MECOM: variants seen among roughly 807,000 people sequenced by gnomAD.
MECOM encodes the protein MDS1 and EVI1 complex locus, also known as histone-lysine N-methyltransferase MECOM.
MECOM carries 13 observed loss-of-function variants against 116.3 expected under a neutral mutation model. The ratio of observed to expected loss-of-function variants is 0.11; its 90% CI spans 0.07 to 0.18. MECOM has a LOEUF of 0.18. Ranked by LOEUF, MECOM falls within the 10% of genes least tolerant of loss-of-function variation. The pLI is 1.00. For synonymous variants in MECOM, 528 were observed against 535.2 expected, an observed-to-expected ratio of 0.99 and a Z score of 0.19; for missense variants, 1,299 against 1,509.0, an observed-to-expected ratio of 0.86 and a Z score of 2.31.
chr3:169,350,931 A>G (rs1726218514), intron 2 of MECOM, among the ~76,000 whole-genome samples: 1 of 151,872 alleles, frequency 6.6e-6, no homozygotes, highest in Middle Eastern at 3.2e-3. Flanking sequence ...CACCCATGCT[A>G]CTCAATAAAG....
chr3:169,264,805 A>G (rs1758056687), intron 2 of MECOM, among the ~76,000 whole-genome samples: 1 of 152,202 alleles, frequency 6.6e-6, no homozygotes, highest in African/African-American at 2.4e-5. Flanking sequence ...GCATTAATTA[A>G]TGTGCTGTAG....
intron 2 of MECOM, chr3:169,146,305 G>C (rs1013300927): frequency 1.6e-6 from 2 of 1,269,016 alleles, no homozygotes; most frequent in East Asian, 7.4e-5. Flanking sequence ...ACTTGGCAAG[G>C]TGGAACTCGG....
intron 10 of MECOM, among the ~76,000 whole-genome samples, chr3:169,106,792 G>T (rs1725583036): frequency 6.6e-6 from 1 of 152,110 alleles, no homozygotes; most frequent in Non-Finnish European, 1.5e-5. Context: ...ACTCAAGACA[G>T]ATCTCTACCA....
chr3:169,597,197 A>G (rs1483218727), intron 1 of MECOM, among the ~76,000 whole-genome samples: 1 of 152,220 alleles, frequency 6.6e-6, no homozygotes, highest in East Asian at 1.9e-4. Context: ...AGGTACAGTA[A>G]TAATGCAATC....
At chr3:169,485,974 A>ATATACTATATATG (rs1752241751) in intron 1 of MECOM, among the ~76,000 whole-genome samples, 1 of 45,826 alleles carries the variant, frequency 2.2e-5, no homozygotes, top group African/African-American at 1.1e-4. Flanking sequence ...CTATATATAC[A>ATATACTATATATG]TATATATATA....
intron 1 of MECOM, among the ~76,000 whole-genome samples, chr3:169,486,029 A>C (rs1164733119): frequency 1.7e-5 from 2 of 115,778 alleles, no homozygotes; most frequent in Non-Finnish European, 3.4e-5. Flanking sequence ...TATATATAGT[A>C]TATATATATA....
At chr3:169,571,266 T>C (rs1763869286) in intron 1 of MECOM, among the ~76,000 whole-genome samples, 1 of 152,058 alleles carries the variant, frequency 6.6e-6, no homozygotes, top group African/African-American at 2.4e-5. Flanking sequence ...ATAAAATACC[T>C]AGGAATACAA....
At chr3:169,294,299 G>A (rs1262272437) in intron 2 of MECOM, among the ~76,000 whole-genome samples, 1 of 152,064 alleles carries the variant, frequency 6.6e-6, no homozygotes, top group Non-Finnish European at 1.5e-5. Context: ...TATTTTGAGA[G>A]AAAATAATCA....
intron 2 of MECOM, among the ~76,000 whole-genome samples, chr3:169,201,641 A>C (rs1384687608): frequency 6.6e-6 from 1 of 152,132 alleles, no homozygotes; most frequent in Non-Finnish European, 1.5e-5. Context: ...ATTTTTCACC[A>C]ATCATTCAAT....
chr3:169,387,907 TC>T (rs1484661449), intron 1 of MECOM, among the ~76,000 whole-genome samples: 1 of 151,968 alleles, frequency 6.6e-6, no homozygotes, highest in African/African-American at 2.4e-5. Flanking sequence ...TTTAGACATT[TC>T]CCCCCATTAT....
At chr3:169,251,835 G>A (rs772436291) in intron 2 of MECOM, among the ~76,000 whole-genome samples, 13 of 152,252 alleles carry the variant, frequency 8.5e-5, no homozygotes, top group Non-Finnish European at 1.5e-4. Context: ...GTGTTTCAGG[G>A]CAGTTCTGAC....
chr3:169,421,750 T>C (rs1043091981), intron 1 of MECOM, among the ~76,000 whole-genome samples: 1 of 152,016 alleles, frequency 6.6e-6, no homozygotes, highest in African/African-American at 2.4e-5. Flanking sequence ...TGCATTACGA[T>C]TGGAAGATAT....
rs1560554110 is a variant in MECOM at position 169,663,513 on chromosome 3, TCTCTCTCTC to T, written c.-150_-142del. The stretch of plus-strand genomic sequence containing the variant: ...CTCTCTCTCTCTCTCTCTCTCTCTC[TCTCTCTCTC>T]TCTCTCTCCCTCCCTCCTGTTTCTC... On this transcript the variant is annotated 5_prime_UTR_variant, in exon 1 of 17. Transcript: ENST00000651503. The T allele has an allele frequency of 2.0e-4, 136 of 670,644 alleles. No homozygotes were observed. The highest frequency in any genetic ancestry group is 3.3e-4 in the Non-Finnish European group (124 of 380,770). The allele number at this position is 670,644 out of a possible 1,614,324, so 41.5% of individuals were successfully genotyped here.
At chr3:169,433,434 C>G (rs757311031) in intron 1 of MECOM, among the ~76,000 whole-genome samples, 3 of 151,606 alleles carry the variant, frequency 2.0e-5, no homozygotes, top group Admixed American at 6.6e-5. Flanking sequence ...CGCCATTGCA[C>G]TCCAGCCTGG....
chr3:169,311,578 T>C (rs1212810102), intron 2 of MECOM, among the ~76,000 whole-genome samples: 1 of 152,218 alleles, frequency 6.6e-6, no homozygotes, highest in Non-Finnish European at 1.5e-5. Flanking sequence ...TATTTCTTCT[T>C]TAGACACAGT....
Position 169,099,113 on chromosome 3 carries a change from G to GAA in MECOM, c.2849+1770_2849+1771dup, listed in dbSNP as rs534383915. ...CTGTTCATTGGAATTCTTCTGCAAG[G>GAA]AAAAAAAAAAAAAAAAACCCAGAGG... On this transcript the variant is annotated intron_variant, in intron 12 of 16. Transcript: ENST00000651503. Among the ~76,000 whole-genome samples the GAA allele has an allele frequency of 2.3e-3, 228 of 100,090 alleles. 3 individuals carry two copies. The highest frequency in any genetic ancestry group is 7.3e-3 in the African/African-American group (208 of 28,570). The allele number at this position is 100,090 out of a possible 152,430, so 65.7% of individuals were successfully genotyped here.
intron 1 of MECOM, among the ~76,000 whole-genome samples, chr3:169,450,407 G>A (rs1233243361): frequency 1.3e-5 from 2 of 151,902 alleles, no homozygotes; most frequent in African/African-American, 4.8e-5. Context: ...TTTTTTTAAG[G>A]CCATGTTCCT....
intron 2 of MECOM, among the ~76,000 whole-genome samples, chr3:169,266,750 A>G (rs768122453): frequency 2.6e-5 from 4 of 152,178 alleles, no homozygotes; most frequent in Non-Finnish European, 4.4e-5. Context: ...CAAATCCTAA[A>G]GTAATTACTT....
chr3:169,518,481 C>G (rs765345422), intron 1 of MECOM, among the ~76,000 whole-genome samples: 20 of 152,126 alleles, frequency 1.3e-4, no homozygotes, highest in Non-Finnish European at 2.5e-4. Context: ...ATTGTTGAGT[C>G]TGGGCACCAT....
Sources: allele counts gnomAD v4.1 joint callset (sites outside exome capture counted in the v4.1 genomes callset), GRCh38; gene constraint gnomAD v4.1.1; transcripts MANE v1.5; gene names NCBI Gene and HGNC (gene_info 2026-07-23, HGNC 2026-07-21).